Variants in DACT3 observed in about 807,000 individuals in gnomAD.
DACT3 encodes dishevelled binding antagonist of beta catenin 3.
In DACT3, 5 loss-of-function variants were observed where a neutral mutation model predicts 19.6. The observed-to-expected ratio is 0.26, with a 90% CI of 0.13 to 0.54. The LOEUF (loss-of-function observed/expected upper bound fraction) is 0.54, where lower values mean the gene tolerates loss of function less well. Ranked by LOEUF, DACT3 falls within the 20% of genes least tolerant of loss-of-function variation. The probability of loss-of-function intolerance (pLI) is 0.95; values close to 1 mark genes in which losing one functional copy is unlikely to be tolerated. For missense variants in DACT3, 908 were observed against 927.4 expected, an observed-to-expected ratio of 0.98 and a Z score of 0.27; for synonymous variants, 454 against 428.1, an observed-to-expected ratio of 1.06 and a Z score of -0.75.
intron 1 of DACT3, among the ~76,000 whole-genome samples, chr19:46,656,147 T>C (rs1370491494): frequency 1.5e-5 from 2 of 129,140 alleles, no homozygotes; most frequent in African/African-American, 3.3e-5. Context: ...CAGGTTCAAG[T>C]GATTTTTTTT....
intron 1 of DACT3, chr19:46,654,227 C>T: frequency 1.0e-6 from 1 of 985,140 alleles, no homozygotes; most frequent in South Asian, 4.7e-5. Flanking sequence ...TGGCTCACGC[C>T]TGTAATCCCA....
chr19:46,648,157 G>A lies in DACT3; in HGVS notation c.*325C>T, dbSNP rs919951813. 5 of 296,056 alleles carry A rather than the reference G, an allele frequency of 1.7e-5. No individual in the cohort carries two copies. The highest frequency in any genetic ancestry group is 8.9e-5 in the African/African-American group (4 of 44,930). 18.3% of individuals were successfully genotyped at this position (296,056 alleles called of 1,614,324 possible). On this transcript the variant is annotated 3_prime_UTR_variant, in exon 4 of 4. Coordinates refer to ENST00000391916, the MANE Select transcript of DACT3 (RefSeq NM_145056.3). This position sits in a 1 kb window ranked among gnomAD's most constrained non-coding sequence, Gnocchi z 5.1. ...ACAGACTAGGCTTCTAAACTAAAACGGGGAAATTCAAACCGAATTACCCCT... is the reference window on the plus strand; with the variant it reads ...ACAGACTAGGCTTCTAAACTAAAACAGGGAAATTCAAACCGAATTACCCCT...
At chr19:46,655,250 T>G (rs2053024062) in intron 1 of DACT3, among the ~76,000 whole-genome samples, 1 of 152,170 alleles carries the variant, frequency 6.6e-6, no homozygotes, top group African/African-American at 2.4e-5. Flanking sequence ...AGCTCCCCTG[T>G]CATTGTGTAC....
chr19:46,649,027 G>T lies in DACT3; in HGVS notation c.1345C>A (p.Arg449=), dbSNP rs958133582. 7.9e-7 allele frequency: 1 copy of T among 1,271,746 alleles called. No individual in the cohort carries two copies. The highest frequency in any genetic ancestry group is 9.9e-7 in the Non-Finnish European group (1 of 1,010,662). The allele number at this position is 1,271,746 out of a possible 1,614,324, so 78.8% of individuals were successfully genotyped here. A position where few individuals can be genotyped will look rare whatever the true frequency, so the allele number is the denominator to read the frequency against. ...GGCCGTGGAGGCCGAGGCTCTTCCC[G>T]CTCCGCCGTGGGGTACTTAGGGGGC... ...SGPPKYPTAE[R]EEPRPPRPRR... Residue 449 remains arginine, a synonymous_variant, in exon 4 of 4, where the codon CGG becomes AGG. Transcript: ENST00000391916.
chr19:46,655,544 C>T (rs546052285), intron 1 of DACT3, among the ~76,000 whole-genome samples: 9 of 152,118 alleles, frequency 5.9e-5, no homozygotes, highest in Admixed American at 1.3e-4. Context: ...ACCAGGGAGG[C>T]GGAGGTTGCA....
chr19:46,649,804 G>A lies in DACT3; in HGVS notation c.568C>T (p.Pro190Ser). The A allele has an allele frequency of 7.1e-7, 1 of 1,403,264 alleles. No homozygotes were observed. Among genetic ancestry groups the A allele is most frequent in the Non-Finnish European group, 9.2e-7 (1 of 1,083,724 alleles). 86.9% of individuals were successfully genotyped at this position (1,403,264 alleles called of 1,614,324 possible). ...RAAVPRSFSA[P>S]YPTAGGSAGP... ...GCGGACCCCCCTGCCGTCGGGTAGG[G>A]CGCTGAGAAGGACCGCGGCACCGCT... The change falls in exon 4 of 4, where the codon CCC (proline) becomes TCC (serine). Residue 190 changes from proline to serine, a missense_variant. Transcript: ENST00000391916.
At chr19:46,653,958 C>T (rs894973460) in intron 1 of DACT3, 11 of 984,514 alleles carry the variant, frequency 1.1e-5, no homozygotes, top group Non-Finnish European at 1.3e-5. Context: ...TGCAGATTGC[C>T]TCTTTCCCCC....
In DACT3 at chr19:46,660,106, A is replaced by T. The variant is rs1226695149; in HGVS notation, c.249+710T>A. On this transcript the variant is annotated intron_variant, in intron 1 of 3. Coordinates refer to ENST00000391916, the MANE Select transcript of DACT3 (RefSeq NM_145056.3). This position sits in a 1 kb window ranked among gnomAD's most constrained non-coding sequence, Gnocchi z 4.9. ...TCTGCCCATCTTCCACCATGAGAACACCCAGAGTCCAGAAGTCTCCCCCAG... is the reference window on the plus strand; with the variant it reads ...TCTGCCCATCTTCCACCATGAGAACTCCCAGAGTCCAGAAGTCTCCCCCAG... Among the ~76,000 whole-genome samples, 1 of 152,062 alleles carries T rather than the reference A, an allele frequency of 6.6e-6. No individual in the cohort carries two copies. Among genetic ancestry groups the T allele is most frequent in the Non-Finnish European group, 1.5e-5 (1 of 67,984 alleles).
intron 1 of DACT3, chr19:46,654,011 C>T (rs1220827418): frequency 3.0e-6 from 3 of 985,284 alleles, no homozygotes; most frequent in Middle Eastern, 5.2e-4. Flanking sequence ...AACGTCTTTG[C>T]TCTCCCTTCA....
chr19:46,652,543 G>A, intron 3 of DACT3, 117 bp downstream of exon 3: 3 of 1,151,558 alleles, frequency 2.6e-6, no homozygotes, highest in South Asian at 3.0e-5. Context: ...ATAACCATGT[G>A]AAAAGGAAAT....
At position 46,649,021 on chromosome 19, in the gene DACT3, C is replaced by T; in HGVS notation, c.1351G>A (p.Glu451Lys). ...CGGCGTGGCCGTGGAGGCCGAGGCT[C>T]TTCCCGCTCCGCCGTGGGGTACTTA... ...PPKYPTAERE[E>K]PRPPRPRRGP... Residue 451 changes from glutamate to lysine, a missense_variant, in exon 4 of 4, where the codon GAG (glutamate) becomes AAG (lysine). By Grantham distance (56) the Glu-to-Lys change is moderately conservative (BLOSUM62 1). Coordinates refer to ENST00000391916, the MANE Select transcript of DACT3 (RefSeq NM_145056.3). 7.9e-7 allele frequency: 1 copy of T among 1,271,528 alleles called. No individual in the cohort carries two copies. Among genetic ancestry groups the T allele is most frequent in the Non-Finnish European group, 9.9e-7 (1 of 1,010,358 alleles). 78.8% of individuals were successfully genotyped at this position (1,271,528 alleles called of 1,614,324 possible). A position where few individuals can be genotyped will look rare whatever the true frequency, so the allele number is the denominator to read the frequency against.
At position 46,654,050 on chromosome 19, in the gene DACT3, T is replaced by A. The variant is rs192152181; in HGVS notation, c.250-975A>T. On this transcript the variant is annotated intron_variant, in intron 1 of 3. Coordinates refer to ENST00000391916, the MANE Select transcript of DACT3 (RefSeq NM_145056.3). ...AGAACCTCCCAAGCCTCCTAGACAG[T>A]CCTGTGAGTCTAGCCTTACTGGTAC... 1.7e-5 allele frequency: 17 copies of A among 985,374 alleles called. No individual in the cohort carries two copies. The East Asian group carries it at 1.4e-3, about 79-fold the overall frequency. The allele number at this position is 985,374 out of a possible 1,614,324, so 61.0% of individuals were successfully genotyped here.
At position 46,648,474 on chromosome 19, in the gene DACT3, C is replaced by T; in HGVS notation, c.*8G>A. 6.2e-7 allele frequency: 1 copy of T among 1,613,910 alleles called. No individual in the cohort carries two copies. Among genetic ancestry groups the T allele is most frequent in the Non-Finnish European group, 8.5e-7 (1 of 1,179,844 alleles). On this transcript the variant is annotated 3_prime_UTR_variant, in exon 4 of 4. Transcript: ENST00000391916. This position sits in a 1 kb window ranked among gnomAD's most constrained non-coding sequence, Gnocchi z 5.1. The stretch of plus-strand genomic sequence containing the variant: ...CCATGAAGGGGGAGCCCAAGCAAAT[C>T]CCCAAACTCACACTGTAGTCATGAC...
At chr19:46,659,254 G>C in intron 1 of DACT3, 1 of 984,570 alleles carries the variant, frequency 1.0e-6, no homozygotes, top group South Asian at 4.7e-5. Context: ...GGGGGGACAG[G>C]CCTCTCCACT....
At chr19:46,654,798 T>C in intron 1 of DACT3, 1 of 985,570 alleles carries the variant, frequency 1.0e-6, no homozygotes. Flanking sequence ...GCAGAAAGAC[T>C]GGCCGGCTCC....
chr19:46,647,943 C>T lies in DACT3; in HGVS notation c.*539G>A, dbSNP rs1243267296. The T allele has an allele frequency of 1.3e-5, 2 of 154,422 alleles. No homozygotes were observed. The highest frequency in any genetic ancestry group is 4.8e-5 in the African/African-American group (2 of 41,434). The allele number at this position is 154,422 out of a possible 1,614,324, so 9.6% of individuals were successfully genotyped here. On this transcript the variant is annotated 3_prime_UTR_variant, in exon 4 of 4. Coordinates refer to ENST00000391916, the MANE Select transcript of DACT3 (RefSeq NM_145056.3). ...CCCCCAAATCAGTGCTCCTTCCCTT[C>T]CCAGGGCACTCTGCAGGGACCACCT...
chr19:46,655,811 C>T (rs994757395), intron 1 of DACT3, among the ~76,000 whole-genome samples: 3 of 151,730 alleles, frequency 2.0e-5, no homozygotes, highest in Non-Finnish European at 2.9e-5. Flanking sequence ...TGGCTTATGC[C>T]TATCATCCCA....
chr19:46,655,925 C>CTCTA (rs980735397), intron 1 of DACT3, among the ~76,000 whole-genome samples: 213 of 137,926 alleles, frequency 1.5e-3, no homozygotes, highest in South Asian at 6.1e-3. Flanking sequence ...CTCTCTCTCT[C>CTCTA]TATATATATA....
chr19:46,657,346 CTTTTTTTTTTTTTTTT>C (rs71177239), intron 1 of DACT3, among the ~76,000 whole-genome samples: 2 of 69,388 alleles, frequency 2.9e-5, no homozygotes, highest in Non-Finnish European at 5.2e-5. Flanking sequence ...AAATGAGTTT[CTTTTTTTTTTTTTTTT>C]TTTTTTTTTG....
Sources: gnomAD v4.1 joint callset for allele counts (sites outside exome capture counted in the v4.1 genomes callset) on GRCh38, gnomAD v4.1.1 for gene constraint, Gnocchi (gnomAD v3.1) non-coding constraint, MANE v1.5 for transcripts, NCBI Gene and HGNC (gene_info 2026-07-23, HGNC 2026-07-21) for gene names.